The following CACNB4 variants were observed in gnomAD, a reference collection of about 807,000 sequenced individuals.
The protein encoded by CACNB4 is calcium voltage-gated channel auxiliary subunit beta 4.
Under a neutral mutation model 71.2 loss-of-function variants are expected in CACNB4, and 32 were observed. The ratio of observed to expected loss-of-function variants is 0.45; its 90% CI spans 0.34 to 0.60. The LOEUF is 0.60. Ranked by LOEUF, CACNB4 falls within the 20% of genes least tolerant of loss-of-function variation. The pLI, the probability that CACNB4 is intolerant of heterozygous loss-of-function variation, is 0.01. For synonymous variants in CACNB4, 231 were observed against 236.9 expected, an observed-to-expected ratio of 0.97 and a Z score of 0.23; for missense variants, 464 against 647.9, an observed-to-expected ratio of 0.72 and a Z score of 3.08.
chr2:151,915,424 A>T (rs1263585780), intron 2 of CACNB4, among the ~76,000 whole-genome samples: 1 of 152,212 alleles, frequency 6.6e-6, no homozygotes. Flanking sequence ...ATCCCAGTGC[A>T]GGCTGCTGTC....
Position 151,880,790 on chromosome 2 carries a change from C to A in CACNB4, c.390+10G>T. On this transcript the variant is annotated intron_variant, in intron 4 of 13. Transcript: ENST00000539935. ...GGCAGGTGAAGGGATGCAGTATGTT[C>A]TACATTTACCTCTTTAATATGTAGA... 1 of 1,607,454 alleles carries A rather than the reference C, an allele frequency of 6.2e-7. No individual in the cohort carries two copies. Among genetic ancestry groups the A allele is most frequent in the South Asian group, 1.1e-5 (1 of 89,608 alleles).
intron 2 of CACNB4, among the ~76,000 whole-genome samples, chr2:151,957,527 C>G (rs2099868629): frequency 6.6e-6 from 1 of 152,098 alleles, no homozygotes; most frequent in South Asian, 2.1e-4. Flanking sequence ...AAGTGCTTAC[C>G]ACCCCAAATA....
intron 2 of CACNB4, among the ~76,000 whole-genome samples, chr2:152,030,142 T>G (rs1254988669): frequency 6.6e-6 from 1 of 152,206 alleles, no homozygotes; most frequent in African/African-American, 2.4e-5. Flanking sequence ...ACTCTTCACT[T>G]TATTCACTAT....
At chr2:151,953,417 T>C (rs1348019606) in intron 2 of CACNB4, among the ~76,000 whole-genome samples, 3 of 152,232 alleles carry the variant, frequency 2.0e-5, no homozygotes, top group Non-Finnish European at 4.4e-5. Context: ...TTCCCTGTTT[T>C]AGGAAGACAG....
rs1233357902 is a variant in CACNB4, at chr2:151,838,093, G to T, written c.*1026C>A. ...GGAAAGATACTCAATCTTGTTGGCA[G>T]GAAATACAGACCCTGCGTTTGTGTT... On this transcript the variant is annotated 3_prime_UTR_variant, in exon 14 of 14. Transcript: ENST00000539935. 2 of 152,176 alleles carry T rather than the reference G, an allele frequency of 1.3e-5. No individual in the cohort carries two copies. Among genetic ancestry groups the T allele is most frequent in the Non-Finnish European group, 2.9e-5 (2 of 68,020 alleles). The allele number at this position is 152,176 out of a possible 1,614,324, so 9.4% of individuals were successfully genotyped here. A position where few individuals can be genotyped will look rare whatever the true frequency, so the allele number is the denominator to read the frequency against.
At chr2:151,979,796 T>C (rs951956836) in intron 2 of CACNB4, among the ~76,000 whole-genome samples, 1 of 152,190 alleles carries the variant, frequency 6.6e-6, no homozygotes, top group African/African-American at 2.4e-5. Flanking sequence ...AAGGAGATGG[T>C]TGCAATCAAA....
rs550669403 is a variant in CACNB4, at chr2:152,037,664, C to A, written c.147+60666G>T. Among the ~76,000 whole-genome samples the A allele has an allele frequency of 3.9e-4, 59 of 152,376 alleles. 1 individual carries two copies. Among genetic ancestry groups the A allele is most frequent in the Non-Finnish European group, 7.8e-4 (53 of 68,040 alleles). On this transcript the variant is annotated intron_variant, in intron 2 of 13. Transcript: ENST00000539935. ...TAGACCAAAAGCACATATCCCCTCT[C>A]AGGTGAAGGCACAGCATTTAGGATG...
intron 2 of CACNB4, among the ~76,000 whole-genome samples, chr2:151,960,624 T>C (rs1271714942): frequency 6.6e-6 from 1 of 152,174 alleles, no homozygotes; most frequent in African/African-American, 2.4e-5. Context: ...GCTCTTACCA[T>C]ATCCCAGTGA....
chr2:151,841,680 C>A, intron 13 of CACNB4: 3 of 475,056 alleles, frequency 6.3e-6, no homozygotes, highest in South Asian at 6.2e-5. Context: ...AAGTAAAATC[C>A]ACTGTAAATT....
At chr2:152,095,502 T>C (rs528023023) in intron 2 of CACNB4, among the ~76,000 whole-genome samples, 17 of 152,234 alleles carry the variant, frequency 1.1e-4, no homozygotes, top group Middle Eastern at 3.4e-3. Flanking sequence ...ATAAAGAAAC[T>C]AGCAATATAT....
chr2:152,034,363 A>C (rs1410028595), intron 2 of CACNB4, among the ~76,000 whole-genome samples: 1 of 152,178 alleles, frequency 6.6e-6, no homozygotes, highest in Non-Finnish European at 1.5e-5. Context: ...AAAGCTCTTG[A>C]AGTCTCCATT....
intron 2 of CACNB4, among the ~76,000 whole-genome samples, chr2:152,058,007 T>C (rs1473473086): frequency 6.6e-6 from 1 of 152,142 alleles, no homozygotes; most frequent in Non-Finnish European, 1.5e-5. Flanking sequence ...GCTATTCTCA[T>C]GATAATAAGT....
intron 2 of CACNB4, among the ~76,000 whole-genome samples, chr2:152,082,170 A>C (rs1198565884): frequency 6.6e-6 from 1 of 152,016 alleles, no homozygotes. Flanking sequence ...TTGACAGCCC[A>C]CTCTATTCTT....
chr2:151,996,006 C>T (rs1682022119), intron 2 of CACNB4, among the ~76,000 whole-genome samples: 1 of 152,220 alleles, frequency 6.6e-6, no homozygotes, highest in African/African-American at 2.4e-5. Flanking sequence ...CGGAGCAAGT[C>T]CTTATGAAGA....
chr2:151,917,846 A>AAAG (rs1281659018), intron 2 of CACNB4, among the ~76,000 whole-genome samples: 1 of 151,562 alleles, frequency 6.6e-6, no homozygotes, highest in Non-Finnish European at 1.5e-5. Flanking sequence ...AAAAAAAAAA[A>AAAG]AAAAAAGAAC....
intron 2 of CACNB4, among the ~76,000 whole-genome samples, chr2:152,084,572 T>C (rs1284234131): frequency 6.6e-6 from 1 of 152,166 alleles, no homozygotes; most frequent in East Asian, 1.9e-4. Context: ...GGACTATTAA[T>C]GTGGATACAT....
At chr2:152,093,974 CTTCA>C (rs1431323265) in intron 2 of CACNB4, among the ~76,000 whole-genome samples, 1 of 152,198 alleles carries the variant, frequency 6.6e-6, no homozygotes, top group Non-Finnish European at 1.5e-5. Context: ...CCATCCACTG[CTTCA>C]TTCATTCAAG....
At chr2:151,853,949 AT>A (rs1207973570) in intron 11 of CACNB4, 1 of 155,138 alleles carries the variant, frequency 6.4e-6, no homozygotes, top group Non-Finnish European at 1.4e-5. Flanking sequence ...TTTTCTGGTT[AT>A]TTTTGTCACC....
At chr2:151,997,220 C>A (rs1682097160) in intron 2 of CACNB4, among the ~76,000 whole-genome samples, 1 of 152,190 alleles carries the variant, frequency 6.6e-6, no homozygotes, top group African/African-American at 2.4e-5. Flanking sequence ...GGTCCTAAAT[C>A]CAATGGCAAG....
Sources: gnomAD v4.1 joint callset for allele counts (sites outside exome capture counted in the v4.1 genomes callset) on GRCh38, gnomAD v4.1.1 for gene constraint, MANE v1.5 for transcripts, NCBI Gene and HGNC (gene_info 2026-07-23, HGNC 2026-07-21) for gene names.